ZNF468: variants seen among roughly 807,000 people sequenced by gnomAD.
The protein encoded by ZNF468 is zinc finger protein 468, also known as zinc finger protein ZNF468.
A neutral mutation model predicts 7.2 loss-of-function variants in ZNF468; 8 were observed. The observed-to-expected ratio is 1.11, with a 90% CI of 0.65 to 2.01. The LOEUF (loss-of-function observed/expected upper bound fraction) is 2.01. Ranked by LOEUF, ZNF468 falls within the 30% of genes most tolerant of loss-of-function variation. The pLI is 0.00. For missense variants in ZNF468, 608 were observed against 626.5 expected, an observed-to-expected ratio of 0.97 and a Z score of 0.31; for synonymous variants, 218 against 214.4, an observed-to-expected ratio of 1.02 and a Z score of -0.15.
Position 52,840,642 on chromosome 19 carries a change from G to GT in ZNF468, c.*82dup. ...AAACCTTGCCACATTCATTATGCTT[G>GT]TAAGGTTTCTCTCCAGTATGAATTG... On this transcript the variant is annotated 3_prime_UTR_variant, in exon 4 of 4. Coordinates refer to ENST00000595646, the MANE Select transcript of ZNF468 (RefSeq NM_001008801.2). 1 of 1,600,544 alleles carries GT rather than the reference G, an allele frequency of 6.2e-7. No homozygotes were observed. Among genetic ancestry groups the GT allele is most frequent in the Non-Finnish European group, 8.6e-7 (1 of 1,168,076 alleles).
In ZNF468 at chr19:52,854,359, A is replaced by T; in HGVS notation, c.-73-14T>A. On this transcript the variant is annotated splice_polypyrimidine_tract_variant and intron_variant, in intron 1 of 3. Transcript: ENST00000595646. ...TAGAAGTCAATCCTGAATGTTAAAAATATGTTGTTTATCACTCAGAATCAA... is the reference window on the plus strand; with the variant it reads ...TAGAAGTCAATCCTGAATGTTAAAATTATGTTGTTTATCACTCAGAATCAA... The T allele has an allele frequency of 6.2e-7, 1 of 1,603,240 alleles. No individual in the cohort carries two copies. The highest frequency in any genetic ancestry group is 8.5e-7 in the Non-Finnish European group (1 of 1,171,750).
intron 3 of ZNF468, among the ~76,000 whole-genome samples, chr19:52,844,831 G>A (rs1310991565): frequency 6.6e-6 from 1 of 151,976 alleles, no homozygotes; most frequent in Non-Finnish European, 1.5e-5. Context: ...GAGCCACCGC[G>A]GCCAGCCAGT....
intron 2 of ZNF468, among the ~76,000 whole-genome samples, chr19:52,850,353 C>A (rs1160906629): frequency 1.3e-5 from 2 of 152,148 alleles, no homozygotes; most frequent in African/African-American, 4.8e-5. Context: ...TGCGGGTGTG[C>A]ACAGAGGCAG....
chr19:52,843,977 C>T (rs1299379276), intron 3 of ZNF468, among the ~76,000 whole-genome samples: 2 of 152,068 alleles, frequency 1.3e-5, no homozygotes, highest in East Asian at 1.9e-4. Context: ...AAAAAATCAG[C>T]CAGGCATGAA....
Position 52,855,318 on chromosome 19 carries a change from A to G in ZNF468, c.-73-973T>C, listed in dbSNP as rs1214530627. Among the ~76,000 whole-genome samples the G allele has an allele frequency of 3.9e-5, 6 of 152,228 alleles. 1 individual carries two copies. Among genetic ancestry groups the G allele is most frequent in the African/African-American group, 1.4e-4 (6 of 41,460 alleles). On this transcript the variant is annotated intron_variant, in intron 1 of 3. Coordinates refer to ENST00000595646, the MANE Select transcript of ZNF468 (RefSeq NM_001008801.2). ...GGAGACAGCTCTGAGCCTAGACCTG[A>G]AGGAGAAAGGGACAGTGCCATCTTC...
intron 3 of ZNF468, among the ~76,000 whole-genome samples, chr19:52,842,746 G>A (rs1166333872): frequency 7.6e-6 from 1 of 131,754 alleles, no homozygotes; most frequent in Admixed American, 9.5e-5. Flanking sequence ...AAGCTAAAAG[G>A]CAAAGGTTGC....
Position 52,840,148 on chromosome 19 carries a change from C to G in ZNF468, c.*577G>C, listed in dbSNP as rs2063282293. ...TGGCTTTTCTCCAGTGTGAATTCTC[C>G]TATGTATTTGAAGCTGGATTTGTGA... On this transcript the variant is annotated 3_prime_UTR_variant, in exon 4 of 4. Coordinates refer to ENST00000595646, the MANE Select transcript of ZNF468 (RefSeq NM_001008801.2). 10 of 436,360 alleles carry G rather than the reference C, an allele frequency of 2.3e-5. No individual in the cohort carries two copies. The highest frequency in any genetic ancestry group is 1.9e-4 in the South Asian group (9 of 46,206). 27.0% of individuals were successfully genotyped at this position (436,360 alleles called of 1,614,324 possible). A position where few individuals can be genotyped will look rare whatever the true frequency, so the allele number is the denominator to read the frequency against.
At position 52,841,177 on chromosome 19, in the gene ZNF468, G is replaced by A. The variant is rs773760791; in HGVS notation, c.1117C>T (p.His373Tyr). 3 of 1,613,284 alleles carry A rather than the reference G, an allele frequency of 1.9e-6. No homozygotes were observed. In the South Asian group the frequency reaches 3.3e-5, roughly 18 times the overall value. ...TTCTCTCCAGTATGAAGTCTATGAT[G>A]GCGTGCAAGGGTTGATAGTCGATTA... is the stretch of plus-strand genomic sequence containing the variant. ...VFNRLSTLAR[H>Y]HRLHTGEKPY... Residue 373 changes from histidine (H) to tyrosine (Y), a missense_variant, in exon 4 of 4, where the codon CAT becomes TAT. Transcript: ENST00000595646.
chr19:52,846,121 C>T (rs1195118515), intron 3 of ZNF468, among the ~76,000 whole-genome samples: 1 of 152,104 alleles, frequency 6.6e-6, no homozygotes, highest in African/African-American at 2.4e-5. Flanking sequence ...ATGAAAAACA[C>T]TGTACATATA....
At chr19:52,846,986 G>T (rs2063346001) in intron 3 of ZNF468, among the ~76,000 whole-genome samples, 1 of 151,062 alleles carries the variant, frequency 6.6e-6, no homozygotes, top group Non-Finnish European at 1.5e-5. Context: ...GGGTGACAGA[G>T]TGAGACTCTG....
Position 52,845,024 on chromosome 19 carries a change from A to C in ZNF468, c.143-2873T>G, listed in dbSNP as rs190667282. The stretch of plus-strand genomic sequence containing the variant: ...ATGTTTTAAAAACCTTGAGACAGGC[A>C]AAGTGTGGTGGCTCATGCCAGTAAT... On this transcript the variant is annotated intron_variant, in intron 3 of 3. Coordinates refer to ENST00000595646, the MANE Select transcript of ZNF468 (RefSeq NM_001008801.2). 2.4e-3 allele frequency among the ~76,000 whole-genome samples: 359 copies of C among 152,268 alleles called. 2 individuals carry two copies. The highest frequency in any genetic ancestry group is 7.7e-3 in the Admixed American group (118 of 15,276).
intron 2 of ZNF468, 37 bp from the exon 3 acceptor site, chr19:52,849,250 G>C (rs1481552396): frequency 1.9e-6 from 3 of 1,611,756 alleles, no homozygotes; most frequent in Non-Finnish European, 1.7e-6. Flanking sequence ...ATGGTTATGG[G>C]AGGAGATCTT....
rs530674781 is a variant in ZNF468, at chr19:52,853,823, A to C, written c.15+435T>G. 109 of 1,190,852 alleles carry C rather than the reference A, an allele frequency of 9.2e-5. No homozygotes were observed. The African/African-American group carries it at 1.5e-3, about 16-fold the overall frequency. 73.8% of individuals were successfully genotyped at this position (1,190,852 alleles called of 1,614,324 possible). Reference sequence around the variant, plus strand: ...CCATTACCTAAAAATGTGGTATAAAATCAGGGAGAAAAGATTTTCCCTTAT... The same window carrying C: ...CCATTACCTAAAAATGTGGTATAAACTCAGGGAGAAAAGATTTTCCCTTAT... On this transcript the variant is annotated intron_variant, in intron 2 of 3. Coordinates refer to ENST00000595646, the MANE Select transcript of ZNF468 (RefSeq NM_001008801.2).
rs543170046 is a variant in ZNF468, at chr19:52,851,337, G to C, written c.16-2124C>G. Among the ~76,000 whole-genome samples, 54 of 152,100 alleles carry C rather than the reference G, an allele frequency of 3.6e-4. 1 individual carries two copies. In the Middle Eastern group the frequency reaches 0.017, roughly 48 times the overall value. On this transcript the variant is annotated intron_variant, in intron 2 of 3. Coordinates refer to ENST00000595646, the MANE Select transcript of ZNF468 (RefSeq NM_001008801.2). ...CACGCCTGTACTTTCAACACTTTAGGAGGCTGAGGTGGGCATATCACGAGG... is the reference window on the plus strand; with the variant it reads ...CACGCCTGTACTTTCAACACTTTAGCAGGCTGAGGTGGGCATATCACGAGG...
chr19:52,848,956 T>A (rs894446935), intron 3 of ZNF468, 131 bp downstream of exon 3: 30 of 1,457,570 alleles, frequency 2.1e-5, no homozygotes, highest in African/African-American at 2.8e-5. Flanking sequence ...AGATGCTACA[T>A]CATGAAGCTT....
rs756491023 is a variant in ZNF468, at chr19:52,854,240, C to T, written c.15+18G>A. ...GAAAGGAAGGAGACAGAACAATCCA[C>T]CGAGGATATCATCTCACCTGAGGAA... On this transcript the variant is annotated intron_variant, in intron 2 of 3. Coordinates refer to ENST00000595646, the MANE Select transcript of ZNF468 (RefSeq NM_001008801.2). 9.3e-6 allele frequency: 15 copies of T among 1,613,752 alleles called. No homozygotes were observed. The highest frequency in any genetic ancestry group is 6.7e-5 in the African/African-American group (5 of 74,906).
At position 52,852,288 on chromosome 19, in the gene ZNF468, C is replaced by T. The variant is rs184488039; in HGVS notation, c.15+1970G>A. Among the ~76,000 whole-genome samples, 865 of 152,092 alleles carry T rather than the reference C, an allele frequency of 5.7e-3. 7 individuals are homozygous for T. The highest frequency in any genetic ancestry group is 0.02 in the African/African-American group (821 of 41,456). ...GTCTGAGGCAGGAGACTCACTTGAA[C>T]CCAGGAGGCAGAGGTTTCAGTGAGC... On this transcript the variant is annotated intron_variant, in intron 2 of 3. Transcript: ENST00000595646.
intron 3 of ZNF468, among the ~76,000 whole-genome samples, chr19:52,848,877 C>G (rs1600524414): frequency 6.6e-6 from 1 of 152,090 alleles, no homozygotes; most frequent in African/African-American, 2.4e-5. Context: ...GCTTACTTTA[C>G]TTCTGGAACC....
intron 2 of ZNF468, 21 bp downstream of exon 2, chr19:52,854,237 C>T (rs564889711): frequency 6.2e-7 from 1 of 1,613,840 alleles, no homozygotes; most frequent in South Asian, 1.1e-5. Flanking sequence ...ACAGAACAAT[C>T]CACCGAGGAT....
Sources: gnomAD v4.1 joint callset for allele counts (sites outside exome capture counted in the v4.1 genomes callset) on GRCh38, gnomAD v4.1.1 for gene constraint, MANE v1.5 for transcripts, NCBI Gene and HGNC (gene_info 2026-07-23, HGNC 2026-07-21) for gene names.